The following MGRN1 variants were observed in gnomAD, a reference collection of about 807,000 sequenced individuals.
The protein encoded by MGRN1 is E3 ubiquitin-protein ligase MGRN1.
In MGRN1, 29 loss-of-function variants were observed where a neutral mutation model predicts 69.2. The ratio of observed to expected loss-of-function variants is 0.42; its 90% CI spans 0.31 to 0.57. MGRN1 has a LOEUF of 0.57. Among genes scored for constraint, MGRN1 ranks in the 20% least tolerant of loss-of-function variants. The pLI is 0.15. For missense variants in MGRN1, 998 were observed against 796.2 expected, an observed-to-expected ratio of 1.25 and a Z score of -3.05; for synonymous variants, 470 against 344.2, an observed-to-expected ratio of 1.37 and a Z score of -4.04.
At chr16:4,644,341 CTTG>C (rs766750371) in intron 1 of MGRN1, among the ~76,000 whole-genome samples, 11 of 125,902 alleles carry the variant, frequency 8.7e-5, no homozygotes, top group Non-Finnish European at 1.8e-4. Flanking sequence ...GAGTTTCACT[CTTG>C]TTGTCCAGGC....
intron 8 of MGRN1, 51 bp downstream of exon 8, chr16:4,668,363 A>G (rs755334659): frequency 2.5e-6 from 4 of 1,583,132 alleles, no homozygotes; most frequent in Middle Eastern, 1.7e-4. Flanking sequence ...ACACACATAT[A>G]CAATCACTCA....
rs1393059348 is a variant in MGRN1, at chr16:4,689,103, T to C, written c.*195T>C. 7.4e-6 allele frequency: 5 copies of C among 678,786 alleles called. No individual in the cohort carries two copies. The highest frequency in any genetic ancestry group is 1.8e-5 in the African/African-American group (1 of 55,380). The allele number at this position is 678,786 out of a possible 1,614,324, so 42.0% of individuals were successfully genotyped here. The stretch of plus-strand genomic sequence containing the variant: ...GAGTCTCCCTTTTCTACAGTTGATA[T>C]ATTTGTAACTGGTACAAGATGAAGG... On this transcript the variant is annotated 3_prime_UTR_variant, in exon 17 of 17. Coordinates refer to ENST00000262370, the MANE Select transcript of MGRN1 (RefSeq NM_015246.4).
At chr16:4,686,434 C>T in intron 16 of MGRN1, 1 of 1,427,800 alleles carries the variant, frequency 7.0e-7, no homozygotes, top group Non-Finnish European at 9.1e-7. Context: ...TTCCCAGGGG[C>T]CCTGGATTCC....
At chr16:4,643,173 C>A (rs2078200028) in intron 1 of MGRN1, among the ~76,000 whole-genome samples, 1 of 151,962 alleles carries the variant, frequency 6.6e-6, no homozygotes, top group Admixed American at 6.6e-5. Flanking sequence ...CCAGGCTGGT[C>A]TCAATCTCGA....
intron 9 of MGRN1, among the ~76,000 whole-genome samples, chr16:4,672,756 T>G (rs908626762): frequency 3.3e-5 from 5 of 152,230 alleles, no homozygotes; most frequent in Non-Finnish European, 7.3e-5. Context: ...TTTTTGGCTT[T>G]CTTTTTGTCC....
chr16:4,664,693 G>T lies in MGRN1; in HGVS notation c.562-16G>T. 2 of 1,614,134 alleles carry T rather than the reference G, an allele frequency of 1.2e-6. No individual in the cohort carries two copies. Among genetic ancestry groups the T allele is most frequent in the Non-Finnish European group, 1.7e-6 (2 of 1,180,006 alleles). On this transcript the variant is annotated splice_polypyrimidine_tract_variant and intron_variant, in intron 5 of 16. Transcript: ENST00000262370. ...GCTGTGTGGGTCCTGACCATTCTTG[G>T]CAACTCTCTCCTCAGCTGAACTTTG...
intron 16 of MGRN1, among the ~76,000 whole-genome samples, chr16:4,684,327 C>G (rs926142560): frequency 2.6e-5 from 4 of 152,222 alleles, no homozygotes; most frequent in African/African-American, 9.6e-5. Flanking sequence ...CACTCCTGGT[C>G]CTATCGTGGG....
chr16:4,634,834 C>G (rs370671323), intron 1 of MGRN1: 1 of 152,252 alleles, frequency 6.6e-6, no homozygotes, highest in Non-Finnish European at 1.5e-5. Context: ...GGACTTGGGT[C>G]CTCTCACGTG....
chr16:4,656,647 G>C (rs2078545460), intron 4 of MGRN1, among the ~76,000 whole-genome samples: 1 of 152,218 alleles, frequency 6.6e-6, no homozygotes, highest in East Asian at 1.9e-4. Flanking sequence ...TTGGGAGGCT[G>C]AGGCAGGTGC....
At chr16:4,683,460 C>T (rs1461180948) in intron 15 of MGRN1, among the ~76,000 whole-genome samples, 191 bp downstream of exon 15, 4 of 152,100 alleles carry the variant, frequency 2.6e-5, no homozygotes, top group South Asian at 2.1e-4. Flanking sequence ...GGTCAGGCTG[C>T]GCTGTTGACC....
chr16:4,633,285 A>G (rs1898101606), intron 1 of MGRN1, among the ~76,000 whole-genome samples: 2 of 151,832 alleles, frequency 1.3e-5, no homozygotes, highest in Non-Finnish European at 2.9e-5. Flanking sequence ...GCTACTCAGG[A>G]GGCTGAGGCA....
intron 15 of MGRN1, 29 bp downstream of exon 15, chr16:4,683,298 C>A (rs536507451): frequency 1.2e-6 from 2 of 1,612,740 alleles, no homozygotes; most frequent in East Asian, 2.2e-5. Context: ...GGGCACAAAC[C>A]GCATGCAGGG....
intron 8 of MGRN1, among the ~76,000 whole-genome samples, chr16:4,669,967 G>A (rs1475314587): frequency 7.5e-6 from 1 of 132,770 alleles, no homozygotes; most frequent in Non-Finnish European, 1.7e-5. Flanking sequence ...TACTCCGTGT[G>A]TACTGTTGGG....
chr16:4,628,546 T>G (rs80100774), intron 1 of MGRN1, among the ~76,000 whole-genome samples: 8,717 of 152,170 alleles, frequency 0.057, 388 homozygotes, highest in Non-Finnish European at 0.083. Flanking sequence ...ATCAGCGATC[T>G]GCTTTCTTTT....
intron 9 of MGRN1, 25 bp from the exon 10 acceptor site, chr16:4,673,473 G>T: frequency 6.2e-7 from 1 of 1,607,202 alleles, no homozygotes. Context: ...GGAGGCTGCT[G>T]ACCCACAAGC....
At chr16:4,675,301 G>C (rs1021049364) in intron 10 of MGRN1, among the ~76,000 whole-genome samples, 3 of 152,130 alleles carry the variant, frequency 2.0e-5, no homozygotes, top group African/African-American at 7.2e-5. Flanking sequence ...TGTAGAGACA[G>C]GGTCTTGCTA....
chr16:4,672,828 T>C (rs2078968857), intron 9 of MGRN1, among the ~76,000 whole-genome samples: 1 of 152,146 alleles, frequency 6.6e-6, no homozygotes, highest in Non-Finnish European at 1.5e-5. Flanking sequence ...TATTAACTTG[T>C]TTTTTGTTTT....
intron 1 of MGRN1, chr16:4,649,712 C>G (rs1470507601): frequency 6.6e-6 from 1 of 152,476 alleles, no homozygotes; most frequent in Non-Finnish European, 1.5e-5. Flanking sequence ...GGAGTAGGAC[C>G]CGAACTTCAT....
At chr16:4,666,548 G>A (rs71388593) in intron 7 of MGRN1, among the ~76,000 whole-genome samples, 1 of 152,240 alleles carries the variant, frequency 6.6e-6, no homozygotes, top group Admixed American at 6.5e-5. Flanking sequence ...CTCCCACAAG[G>A]AGGGCTGTCT....
Sources: allele counts gnomAD v4.1 joint callset (sites outside exome capture counted in the v4.1 genomes callset), GRCh38; gene constraint gnomAD v4.1.1; transcripts MANE v1.5; gene names NCBI Gene and HGNC (gene_info 2026-07-23, HGNC 2026-07-21).